Variants in NOD1 observed in about 807,000 individuals in gnomAD.
NOD1 encodes the protein nucleotide binding oligomerization domain containing 1.
A neutral mutation model predicts 81.2 loss-of-function variants in NOD1; 70 were observed. That is an observed-to-expected ratio of 0.86 (90% CI 0.71 to 1.05). NOD1 has a LOEUF of 1.05. Ranked by LOEUF, NOD1 falls within the 50% of genes least tolerant of loss-of-function variation. The pLI, the probability that NOD1 is intolerant of heterozygous loss-of-function variation, is 0.00. For missense variants in NOD1, 1,233 were observed against 1,228.0 expected (o/e 1.00, Z -0.06); for synonymous variants, 508 against 526.9 (o/e 0.96, Z 0.49).
In NOD1 at chr7:30,478,261, G is replaced by C. The variant is rs1015076152; in HGVS notation, c.-352+345C>G. On this transcript the variant is annotated intron_variant, in intron 1 of 13. Transcript: ENST00000222823. The surrounding 1 kb of genome is among the most constrained non-coding windows in gnomAD (Gnocchi z 4.1). ...AGCTTTTAAAAGATACGGAGGCCTG[G>C]GTCTGACTCCGTGAGATTCTGATGG... 6.6e-5 allele frequency among the ~76,000 whole-genome samples: 10 copies of C among 152,038 alleles called. No individual in the cohort carries two copies. The highest frequency in any genetic ancestry group is 2.2e-4 in the African/African-American group (9 of 41,364).
rs1583800896 is a variant in NOD1, at chr7:30,457,020, G to T, written c.-99C>A. Reference sequence around the variant, plus strand: ...CAGGATTCAGGCCGCGCCCTCCAGGGCCCCTGCTACTCTGCGCAGCCCCTG... The same window carrying T: ...CAGGATTCAGGCCGCGCCCTCCAGGTCCCCTGCTACTCTGCGCAGCCCCTG... On this transcript the variant is annotated 5_prime_UTR_variant, in exon 4 of 14. Transcript: ENST00000222823. 2 of 952,136 alleles carry T rather than the reference G, an allele frequency of 2.1e-6. No homozygotes were observed. The highest frequency in any genetic ancestry group is 2.4e-5 in the East Asian group (1 of 40,934). 59.0% of individuals were successfully genotyped at this position (952,136 alleles called of 1,614,324 possible).
chr7:30,436,206 G>C lies in NOD1; in HGVS notation c.2538-125C>G, dbSNP rs866322611. 5 of 708,818 alleles carry C rather than the reference G, an allele frequency of 7.1e-6. No individual in the cohort carries two copies. The Middle Eastern group carries it at 7.2e-4, about 103-fold the overall frequency. 43.9% of individuals were successfully genotyped at this position (708,818 alleles called of 1,614,324 possible). On this transcript the variant is annotated intron_variant, in intron 10 of 13. Coordinates refer to ENST00000222823, the MANE Select transcript of NOD1 (RefSeq NM_006092.4). Reference sequence around the variant, plus strand: ...CCCCAGCCCAGGCTCACTCGGGGCAGGATGCAGAAGTGTTCAGCTGCAGCA... The same window carrying C: ...CCCCAGCCCAGGCTCACTCGGGGCACGATGCAGAAGTGTTCAGCTGCAGCA...
intron 6 of NOD1, among the ~76,000 whole-genome samples, chr7:30,450,539 T>C (rs1251224516): frequency 6.6e-6 from 1 of 152,200 alleles, no homozygotes; most frequent in East Asian, 1.9e-4. Context: ...CCGTAAACTA[T>C]GGAACAGGAA....
intron 8 of NOD1, chr7:30,446,613 C>G (rs985456350): frequency 2.6e-5 from 10 of 391,752 alleles, no homozygotes; most frequent in African/African-American, 1.2e-4. Context: ...CGCACTGTCA[C>G]CCCCTGCGCA....
chr7:30,429,757 T>C (rs1167791859), intron 12 of NOD1, among the ~76,000 whole-genome samples: 4 of 152,144 alleles, frequency 2.6e-5, no homozygotes, highest in African/African-American at 7.2e-5. Context: ...TGGGGCCGGG[T>C]GCAGTGGCTC....
intron 1 of NOD1, among the ~76,000 whole-genome samples, chr7:30,463,425 T>C (rs1414938853): frequency 6.6e-6 from 1 of 152,098 alleles, no homozygotes; most frequent in African/African-American, 2.4e-5. Flanking sequence ...CAACAGGAAG[T>C]GTTCATAAGC....
intron 1 of NOD1, among the ~76,000 whole-genome samples, chr7:30,471,273 A>G (rs1344895589): frequency 6.6e-6 from 1 of 152,190 alleles, no homozygotes; most frequent in Non-Finnish European, 1.5e-5. Context: ...TCTGCCCCAG[A>G]CACTGCACCC....
Position 30,446,252 on chromosome 7 carries a change from C to T in NOD1, c.2370-28G>A, listed in dbSNP as rs769250799. On this transcript the variant is annotated intron_variant, in intron 8 of 13. Transcript: ENST00000222823. ...GCAGAGAGAGTCACACACAGTCAGC[C>T]TCCAGCTATGCAGGGGCTCCAATGT... 11 of 1,571,430 alleles carry T rather than the reference C, an allele frequency of 7.0e-6. No homozygotes were observed. In the East Asian group the frequency reaches 2.5e-4, roughly 35 times the overall value.
chr7:30,456,807 A>G lies in NOD1; in HGVS notation c.115T>C (p.Cys39Arg), dbSNP rs550336227. Residue 39 changes from cysteine to arginine, a missense_variant, in exon 4 of 14, where the codon TGT becomes CGT. Coordinates refer to ENST00000222823, the MANE Select transcript of NOD1 (RefSeq NM_006092.4). ...LLVTHIRNTQCLVDNLLKNDY... is the reference protein window; with the variant it reads ...LLVTHIRNTQRLVDNLLKNDY... The stretch of plus-strand genomic sequence containing the variant: ...TTCTTCAGCAAGTTGTCCACCAGAC[A>G]CTGAGTATTGCGGATGTGAGTGACC... 3.7e-6 allele frequency: 6 copies of G among 1,614,086 alleles called. No homozygotes were observed. The East Asian group carries it at 6.7e-5, about 18-fold the overall frequency.
chr7:30,463,839 G>A (rs1417962435), intron 1 of NOD1: 1 of 151,972 alleles, frequency 6.6e-6, no homozygotes, highest in East Asian at 1.9e-4. Context: ...AAAATTAGAG[G>A]AATAAATTAA....
chr7:30,465,898 A>G (rs1787643857), intron 1 of NOD1, among the ~76,000 whole-genome samples: 1 of 152,214 alleles, frequency 6.6e-6, no homozygotes, highest in Admixed American at 6.5e-5. Flanking sequence ...GGTAACAAAT[A>G]CAAGCATAAG....
At chr7:30,431,586 G>A (rs149105079) in intron 12 of NOD1, among the ~76,000 whole-genome samples, 2 of 152,300 alleles carry the variant, frequency 1.3e-5, no homozygotes, top group East Asian at 1.9e-4. Context: ...GGGACAGCTG[G>A]ATATCCACGT....
intron 12 of NOD1, among the ~76,000 whole-genome samples, chr7:30,429,724 CAGAGGT>C (rs1783779193): frequency 6.6e-6 from 1 of 152,140 alleles, no homozygotes; most frequent in Admixed American, 6.5e-5. Context: ...TTTTTCACTG[CAGAGGT>C]GCATAATCAA....
intron 1 of NOD1, among the ~76,000 whole-genome samples, chr7:30,472,573 A>G (rs912436429): frequency 6.6e-6 from 1 of 152,218 alleles, no homozygotes; most frequent in Non-Finnish European, 1.5e-5. Flanking sequence ...TGTCCCTCCA[A>G]AGTTCACATG....
intron 2 of NOD1, among the ~76,000 whole-genome samples, chr7:30,459,550 C>G (rs1786788770): frequency 6.6e-6 from 1 of 152,086 alleles, no homozygotes; most frequent in African/African-American, 2.4e-5. Context: ...AAAAAATATC[C>G]TTTGCAATAC....
At chr7:30,429,276 G>C (rs1025710675) in intron 13 of NOD1, 98 bp downstream of exon 13, 1 of 984,776 alleles carries the variant, frequency 1.0e-6, no homozygotes, top group Non-Finnish European at 1.6e-6. Flanking sequence ...GTTGCTGGAG[G>C]AATAAACAGA....
In NOD1 at chr7:30,451,612, T is replaced by G; in HGVS notation, c.1805A>C (p.Lys602Thr). 6.2e-7 allele frequency: 1 copy of G among 1,613,906 alleles called. No individual in the cohort carries two copies. The highest frequency in any genetic ancestry group is 8.5e-7 in the Non-Finnish European group (1 of 1,180,014). ...CGCGGGCACCAGATGCCGCAGGAGT[T>G]TCTGTTTGGCTTTGGACAACAGCCC... is the stretch of plus-strand genomic sequence containing the variant. Reference protein sequence around the residue: ...LCGLLSKAKQKLLRHLVPAAA... With the variant: ...LCGLLSKAKQTLLRHLVPAAA... The change falls in exon 6 of 14, where the codon AAA becomes ACA. Residue 602 changes from lysine (K) to threonine (T), a missense_variant. Physicochemically the swap from Lys to Thr is moderately conservative, Grantham distance 78. Coordinates refer to ENST00000222823, the MANE Select transcript of NOD1 (RefSeq NM_006092.4). This position sits in a 1 kb window ranked among gnomAD's most constrained non-coding sequence, Gnocchi z 4.2.
chr7:30,425,675 T>C lies in NOD1; in HGVS notation c.2825A>G (p.Lys942Arg). 1 of 1,613,830 alleles carries C rather than the reference T, an allele frequency of 6.2e-7. No homozygotes were observed. The highest frequency in any genetic ancestry group is 8.5e-7 in the Non-Finnish European group (1 of 1,179,764). The stretch of plus-strand genomic sequence containing the variant: ...AATCCGCTTCTCATCTTCATAGACT[T>C]TGGCCTCCTCTGGTTTTATCAGGTT... Reference protein sequence around the residue: ...NGNLIKPEEAKVYEDEKRIIC... With the variant: ...NGNLIKPEEARVYEDEKRIIC... The change falls in exon 14 of 14, where the codon AAA (lysine) becomes AGA (arginine). Residue 942 changes from lysine to arginine, a missense_variant. Lys to Arg is a conservative substitution (Grantham distance 26). Transcript: ENST00000222823.
rs985257762 is a variant in NOD1, at chr7:30,451,053, C to G, written c.2201+163G>C. On this transcript the variant is annotated intron_variant, in intron 6 of 13. Coordinates refer to ENST00000222823, the MANE Select transcript of NOD1 (RefSeq NM_006092.4). The surrounding 1 kb of genome is among the most constrained non-coding windows in gnomAD (Gnocchi z 4.2). Reference sequence around the variant, plus strand: ...TGATCCAGGTCCACCTGCCTCGAAGCTTTGCACCTTGACCTCTGCCCTGCT... The same window carrying G: ...TGATCCAGGTCCACCTGCCTCGAAGGTTTGCACCTTGACCTCTGCCCTGCT... 6.6e-6 allele frequency among the ~76,000 whole-genome samples: 1 copy of G among 152,198 alleles called. No homozygotes were observed. The highest frequency in any genetic ancestry group is 2.4e-5 in the African/African-American group (1 of 41,442).
Sources: gnomAD v4.1 joint callset for allele counts (sites outside exome capture counted in the v4.1 genomes callset) on GRCh38, gnomAD v4.1.1 for gene constraint, Gnocchi (gnomAD v3.1) non-coding constraint, MANE v1.5 for transcripts, NCBI Gene and HGNC (gene_info 2026-07-23, HGNC 2026-07-21) for gene names.